Variants in TNRC6A observed in about 807,000 individuals in gnomAD.
TNRC6A encodes the protein trinucleotide repeat-containing gene 6A protein.
In TNRC6A, 44 loss-of-function variants were observed where a neutral mutation model predicts 221.2. The observed-to-expected ratio is 0.20, with a 90% CI of 0.16 to 0.26. TNRC6A has a LOEUF of 0.26. Among genes scored for constraint, TNRC6A ranks in the 10% least tolerant of loss-of-function variants. The pLI is 1.00. For missense variants in TNRC6A, 2,199 were observed against 2,404.4 expected, an observed-to-expected ratio of 0.91 and a Z score of 1.79; for synonymous variants, 847 against 838.5, an observed-to-expected ratio of 1.01 and a Z score of -0.18.
intron 1 of TNRC6A, among the ~76,000 whole-genome samples, chr16:24,633,264 T>C (rs1162129308): frequency 6.6e-6 from 1 of 152,192 alleles, no homozygotes; most frequent in Non-Finnish European, 1.5e-5. Flanking sequence ...GAGTATTATC[T>C]CTTCAGAGAG....
intron 5 of TNRC6A, 79 bp downstream of exon 5, chr16:24,777,437 T>C (rs2057749960): frequency 9.8e-6 from 14 of 1,433,028 alleles, no homozygotes; most frequent in Non-Finnish European, 1.3e-5. Flanking sequence ...CGTAGCTTTT[T>C]GGTGATGTAT....
chr16:24,680,605 T>C (rs960490322), intron 2 of TNRC6A, among the ~76,000 whole-genome samples: 1 of 150,544 alleles, frequency 6.6e-6, no homozygotes, highest in Non-Finnish European at 1.5e-5. Context: ...TAGTCCCAGA[T>C]ACTTGGGAGG....
intron 11 of TNRC6A, among the ~76,000 whole-genome samples, chr16:24,800,399 G>A (rs1292922562): frequency 1.3e-5 from 2 of 152,172 alleles, no homozygotes; most frequent in East Asian, 1.9e-4. Context: ...TCAGGCAATG[G>A]CATATATGGT....
chr16:24,776,791 G>A, intron 4 of TNRC6A, 142 bp from the exon 5 acceptor site: 2 of 1,465,310 alleles, frequency 1.4e-6, no homozygotes, highest in Admixed American at 2.7e-5. Flanking sequence ...ATTTGAGCCT[G>A]TAAATGAGGA....
Position 24,777,167 on chromosome 16 carries a change from C to T in TNRC6A, c.398C>T (p.Pro133Leu). 1 of 1,614,128 alleles carries T rather than the reference C, an allele frequency of 6.2e-7. No individual in the cohort carries two copies. Among genetic ancestry groups the T allele is most frequent in the East Asian group, 2.2e-5 (1 of 44,880 alleles). Residue 133 changes from proline (P) to leucine (L), a missense_variant, in exon 5 of 25, where the codon CCT becomes CTT. Pro to Leu is a moderately conservative substitution (Grantham distance 98). Coordinates refer to ENST00000395799, the MANE Select transcript of TNRC6A (RefSeq NM_014494.4). ...QQQPQALPRYPREVPPRFRHQ... is the reference protein window; with the variant it reads ...QQQPQALPRYLREVPPRFRHQ... Reference sequence around the variant, plus strand: ...CAGCCACAGGCCTTGCCTCGGTATCCTCGTGAAGTACCTCCACGATTTCGC... The same window carrying T: ...CAGCCACAGGCCTTGCCTCGGTATCTTCGTGAAGTACCTCCACGATTTCGC...
At chr16:24,613,795 C>A (rs1376233799) in intron 1 of TNRC6A, among the ~76,000 whole-genome samples, 2 of 152,104 alleles carry the variant, frequency 1.3e-5, no homozygotes, top group Admixed American at 6.6e-5. Flanking sequence ...CTTGGCTTCC[C>A]AAAGTGCTGG....
At chr16:24,666,639 G>GAAAAA (rs1164353374) in intron 2 of TNRC6A, among the ~76,000 whole-genome samples, 7 of 31,508 alleles carry the variant, frequency 2.2e-4, no homozygotes, top group Admixed American at 6.0e-4. Context: ...CTGTCTTAGA[G>GAAAAA]AAAAAAAAAA....
intron 2 of TNRC6A, among the ~76,000 whole-genome samples, chr16:24,647,706 G>C (rs1222971819): frequency 6.6e-6 from 1 of 152,112 alleles, no homozygotes; most frequent in Non-Finnish European, 1.5e-5. Flanking sequence ...CTGCCTCCTG[G>C]GTTCAAGGGA....
intron 4 of TNRC6A, among the ~76,000 whole-genome samples, chr16:24,760,598 ATTGTT>A (rs1433279493): frequency 2.0e-5 from 3 of 152,024 alleles, no homozygotes; most frequent in East Asian, 1.9e-4. Flanking sequence ...ATGAAAATGT[ATTGTT>A]TTATTTCTGT....
intron 1 of TNRC6A, among the ~76,000 whole-genome samples, chr16:24,619,874 G>A (rs1900573084): frequency 6.6e-6 from 1 of 152,164 alleles, no homozygotes; most frequent in Admixed American, 6.6e-5. Flanking sequence ...AGGTGCCGTG[G>A]CTCACACCTG....
intron 1 of TNRC6A, among the ~76,000 whole-genome samples, chr16:24,640,517 C>T (rs1044633808): frequency 6.6e-6 from 1 of 151,656 alleles, no homozygotes; most frequent in African/African-American, 2.4e-5. Context: ...TGCTTGAGCT[C>T]AGGAGTTCGA....
Position 24,790,042 on chromosome 16 carries a change from C to G in TNRC6A, c.1400C>G (p.Ser467Cys). The change falls in exon 6 of 25, where the codon TCC (serine) becomes TGC (cysteine). Residue 467 changes from serine to cysteine, a missense_variant. By Grantham distance (112) the Ser-to-Cys change is moderately radical (BLOSUM62 -1). Coordinates refer to ENST00000395799, the MANE Select transcript of TNRC6A (RefSeq NM_014494.4). ...TTTATGACCTCTAGTTTACCAAACT[C>G]CGGTTCAGTGCAGAATAATGAGCTG... Reference protein sequence around the residue: ...TNFMTSSLPNSGSVQNNELPS... With the variant: ...TNFMTSSLPNCGSVQNNELPS... 6.2e-7 allele frequency: 1 copy of G among 1,614,196 alleles called. No individual in the cohort carries two copies. Among genetic ancestry groups the G allele is most frequent in the African/African-American group, 1.3e-5 (1 of 75,042 alleles).
intron 2 of TNRC6A, among the ~76,000 whole-genome samples, chr16:24,692,560 C>T (rs1279696532): frequency 6.6e-6 from 1 of 151,544 alleles, no homozygotes; most frequent in Non-Finnish European, 1.5e-5. Context: ...ACAGCGTGAA[C>T]CTCCATCTCA....
intron 3 of TNRC6A, among the ~76,000 whole-genome samples, chr16:24,755,470 C>G (rs1047593028): frequency 2.0e-5 from 3 of 152,232 alleles, no homozygotes; most frequent in Non-Finnish European, 4.4e-5. Flanking sequence ...CAGGCTTTGT[C>G]CTAAGTGCTT....
chr16:24,730,335 G>A (rs777316384), intron 2 of TNRC6A, 35 bp downstream of exon 2: 1 of 1,600,238 alleles, frequency 6.2e-7, no homozygotes, highest in South Asian at 1.1e-5. Flanking sequence ...CCCGCCCCAC[G>A]ATAATCGTAT....
Position 24,729,659 on chromosome 16 carries a change from T to C in TNRC6A, c.-183T>C. On this transcript the variant is annotated 5_prime_UTR_variant, in exon 1 of 25. Coordinates refer to ENST00000395799, the MANE Select transcript of TNRC6A (RefSeq NM_014494.4). ...TGCCGAGTGGGGCATTCACTTCCGG[T>C]CTGGGGCCTGCGGCGGCGGCGGTGT... 1.6e-6 allele frequency: 1 copy of C among 615,530 alleles called. No homozygotes were observed. Among genetic ancestry groups the C allele is most frequent in the Non-Finnish European group, 2.4e-6 (1 of 423,040 alleles). 38.1% of individuals were successfully genotyped at this position (615,530 alleles called of 1,614,324 possible).
Position 24,820,124 on chromosome 16 carries a change from TC to T in TNRC6A, c.5081-10del, listed in dbSNP as rs762042865. ...CATTATTCCTCCCCTCTCCATTTTT[TC>T]CCCCTTTGAGTAGCCAGAAATAGTG... On this transcript the variant is annotated splice_polypyrimidine_tract_variant and intron_variant, in intron 21 of 24. Transcript: ENST00000395799. The T allele has an allele frequency of 5.5e-5, 88 of 1,609,426 alleles. No homozygotes were observed. The highest frequency in any genetic ancestry group is 7.3e-5 in the Non-Finnish European group (86 of 1,175,914).
rs1015259110 is a variant in TNRC6A at position 24,824,874 on chromosome 16, C to T, written c.*1067C>T. ...TTGCTCTGTTAAAGAATTTTCTCTG[C>T]CAAAAAAAAAGAAAAAACAAAAAAA... is the stretch of plus-strand genomic sequence containing the variant. On this transcript the variant is annotated 3_prime_UTR_variant, in exon 25 of 25. Coordinates refer to ENST00000395799, the MANE Select transcript of TNRC6A (RefSeq NM_014494.4). 4 of 151,836 alleles carry T rather than the reference C, an allele frequency of 2.6e-5. No homozygotes were observed. Among genetic ancestry groups the T allele is most frequent in the African/African-American group, 9.7e-5 (4 of 41,178 alleles). The allele number at this position is 151,836 out of a possible 1,614,324, so 9.4% of individuals were successfully genotyped here. A position where few individuals can be genotyped will look rare whatever the true frequency, so the allele number is the denominator to read the frequency against.
chr16:24,643,388 T>C (rs1902100137), intron 2 of TNRC6A, among the ~76,000 whole-genome samples: 1 of 151,826 alleles, frequency 6.6e-6, no homozygotes, highest in Non-Finnish European at 1.5e-5. Context: ...ATGGTTTTCT[T>C]AGGGCGGCGG....
Sources: gnomAD v4.1 joint callset for allele counts (sites outside exome capture counted in the v4.1 genomes callset) on GRCh38, gnomAD v4.1.1 for gene constraint, MANE v1.5 for transcripts, NCBI Gene and HGNC (gene_info 2026-07-23, HGNC 2026-07-21) for gene names.